Variants in COL4A6 observed in about 807,000 individuals in gnomAD.
COL4A6 encodes collagen alpha-6(IV) chain.
In COL4A6, 59 loss-of-function variants were observed where a neutral mutation model predicts 126.7. The observed-to-expected ratio is 0.47, with a 90% CI of 0.38 to 0.58. COL4A6 has a LOEUF of 0.58. Among genes scored for constraint, COL4A6 ranks in the 20% least tolerant of loss-of-function variants. The pLI is 0.00. For synonymous variants in COL4A6, 547 were observed against 496.6 expected (o/e 1.10, Z -1.35); for missense variants, 1,285 against 1,337.3 (o/e 0.96, Z 0.61).
intron 2 of COL4A6, among the ~76,000 whole-genome samples, chrX:108,328,518 T>C (rs1390826353): frequency 9.0e-6 from 1 of 111,200 alleles, no homozygotes; most frequent in Non-Finnish European, 1.9e-5. Flanking sequence ...CCAATACCAA[T>C]GCCAACACCA....
Position 108,310,828 on chromosome X carries a change from C to T in COL4A6, c.64G>A (p.Gly22Arg). Residue 22 changes from glycine to arginine, a missense_variant and splice_region_variant, in exon 3 of 45, where the codon GGA (glycine) becomes AGA (arginine). Transcript: ENST00000334504. ...CATGGCTTTCCATAAGACTTCTCTC[C>T]CTATTAAAAAAAGGAAAAAGTTAAT... Reference protein sequence around the residue: ...LCLTEELAAAGEKSYGKPCGG... With the variant: ...LCLTEELAAAREKSYGKPCGG... 1 of 1,197,143 alleles carries T rather than the reference C, an allele frequency of 8.4e-7. No individual in the cohort carries two copies. The highest frequency in any genetic ancestry group is 1.1e-6 in the Non-Finnish European group (1 of 885,285).
intron 3 of COL4A6, among the ~76,000 whole-genome samples, chrX:108,275,554 G>C (rs2037579313): frequency 2.7e-5 from 3 of 112,873 alleles, no homozygotes; most frequent in Middle Eastern, 9.1e-3. Flanking sequence ...CTGAGCAATA[G>C]AGTATAGAGG....
At chrX:108,407,552 A>G (rs1032270348) in intron 2 of COL4A6, among the ~76,000 whole-genome samples, 1 of 112,369 alleles carries the variant, frequency 8.9e-6, no homozygotes, top group Non-Finnish European at 1.9e-5. Context: ...GAATACACAG[A>G]TAAATAAAAT....
intron 3 of COL4A6, among the ~76,000 whole-genome samples, chrX:108,307,139 C>T (rs755989328): frequency 1.2e-3 from 131 of 110,235 alleles, no homozygotes; most frequent in Non-Finnish European, 1.1e-3. Context: ...GAGAACAACC[C>T]GAAAGAATAG....
chrX:108,371,851 T>A (rs2040335910), intron 2 of COL4A6, among the ~76,000 whole-genome samples: 2 of 62,698 alleles, frequency 3.2e-5, no homozygotes, highest in Non-Finnish European at 5.5e-5. Context: ...AGGTCCAATA[T>A]GAAGGAAAAA....
chrX:108,230,858 T>G (rs986169002), intron 3 of COL4A6, among the ~76,000 whole-genome samples: 2 of 111,513 alleles, frequency 1.8e-5, no homozygotes, highest in African/African-American at 6.5e-5. Flanking sequence ...AGCCATACAC[T>G]TCACTCTCCT....
intron 3 of COL4A6, among the ~76,000 whole-genome samples, chrX:108,274,924 T>C (rs2037556451): frequency 9.0e-6 from 1 of 111,234 alleles, no homozygotes; most frequent in Non-Finnish European, 1.9e-5. Context: ...GAGAGCAATA[T>C]CCCATCATAT....
chrX:108,163,537 A>G (rs1471069898), intron 40 of COL4A6: 1 of 114,291 alleles, frequency 8.7e-6, no homozygotes, highest in African/African-American at 3.2e-5. Flanking sequence ...CCCAGTGCTT[A>G]TTATATGCCA....
chrX:108,358,444 G>A (rs1317851126), intron 2 of COL4A6, among the ~76,000 whole-genome samples: 1 of 107,145 alleles, frequency 9.3e-6, no homozygotes, highest in Non-Finnish European at 1.9e-5. Context: ...GCCCAGGCTG[G>A]AGTGTAGTGG....
intron 2 of COL4A6, among the ~76,000 whole-genome samples, chrX:108,414,716 T>C (rs1425811404): frequency 9.1e-6 from 1 of 110,149 alleles, no homozygotes; most frequent in Non-Finnish European, 1.9e-5. Flanking sequence ...CACTTGAGCC[T>C]GGGAAGTTGA....
At chrX:108,249,245 C>T (rs967885906) in intron 3 of COL4A6, among the ~76,000 whole-genome samples, 1 of 110,912 alleles carries the variant, frequency 9.0e-6, no homozygotes, top group African/African-American at 3.3e-5. Flanking sequence ...TCTATAGGAC[C>T]TAGTACAGTG....
intron 2 of COL4A6, among the ~76,000 whole-genome samples, chrX:108,422,790 A>G (rs1193976149): frequency 8.9e-6 from 1 of 111,883 alleles, no homozygotes; most frequent in African/African-American, 3.3e-5. Context: ...TGGAAAGTTT[A>G]GGCTGAGGGC....
At chrX:108,330,822 A>G (rs754849193) in intron 2 of COL4A6, among the ~76,000 whole-genome samples, 17 of 111,526 alleles carry the variant, frequency 1.5e-4, no homozygotes, top group Non-Finnish European at 2.5e-4. Context: ...ATATCATCAC[A>G]ACTATGTCAT....
intron 13 of COL4A6, among the ~76,000 whole-genome samples, chrX:108,200,381 G>T (rs936292278): frequency 2.7e-5 from 3 of 112,200 alleles, no homozygotes; most frequent in African/African-American, 9.7e-5. Context: ...TCTCATTTCA[G>T]ATCAGCCACA....
intron 2 of COL4A6, among the ~76,000 whole-genome samples, chrX:108,435,960 G>T: frequency 9.0e-6 from 1 of 111,619 alleles, no homozygotes; most frequent in African/African-American, 3.3e-5. Flanking sequence ...AGGATAAACT[G>T]GAATTGAGTG....
In COL4A6 at chrX:108,162,901, C is replaced by T; in HGVS notation, c.4207G>A (p.Gly1403Ser). The T allele has an allele frequency of 8.4e-7, 1 of 1,188,000 alleles. No individual in the cohort carries two copies. The highest frequency in any genetic ancestry group is 1.1e-6 in the Non-Finnish European group (1 of 885,722). ...TGDPGAQGPV[G>S]LQGSKGLPGI... ...CTGGCACCCTCCTCACCTTGTAGGC[C>T]TACAGGGCCTTGAGCCCCAGGGTCC... Residue 1403 changes from glycine to serine, a missense_variant, in exon 41 of 45, where the codon GGC becomes AGC. By Grantham distance (56) the Gly-to-Ser change is moderately conservative (BLOSUM62 0). Transcript: ENST00000334504.
At chrX:108,244,478 G>A (rs1207415564) in intron 3 of COL4A6, among the ~76,000 whole-genome samples, 1 of 111,179 alleles carries the variant, frequency 9.0e-6, no homozygotes, top group Non-Finnish European at 1.9e-5. Context: ...TTAGGATCAG[G>A]GCACCTAGAA....
At chrX:108,311,950 A>G (rs1194754435) in intron 2 of COL4A6, among the ~76,000 whole-genome samples, 1 of 111,998 alleles carries the variant, frequency 8.9e-6, no homozygotes, top group Non-Finnish European at 1.9e-5. Context: ...CTTAACCCTT[A>G]AGCCTTAGTG....
At chrX:108,265,920 T>TAA (rs200911420) in intron 3 of COL4A6, among the ~76,000 whole-genome samples, 1 of 108,487 alleles carries the variant, frequency 9.2e-6, no homozygotes, top group African/African-American at 3.4e-5. Flanking sequence ...ATGACATACA[T>TAA]AAAAAAAAAC....
Sources: gnomAD v4.1 joint callset for allele counts (sites outside exome capture counted in the v4.1 genomes callset) on GRCh38, gnomAD v4.1.1 for gene constraint, MANE v1.5 for transcripts, NCBI Gene and HGNC (gene_info 2026-07-23, HGNC 2026-07-21) for gene names.